TSGA10: variants seen among roughly 807,000 people sequenced by gnomAD.
TSGA10 encodes testis specific 10.
In TSGA10, 43 loss-of-function variants were observed where a neutral mutation model predicts 96.6. The ratio of observed to expected loss-of-function variants is 0.44; its 90% CI spans 0.35 to 0.57. The LOEUF (loss-of-function observed/expected upper bound fraction) is 0.57. TSGA10 is among the 20% of genes least tolerant of loss of function. The pLI, the probability that TSGA10 is intolerant of heterozygous loss-of-function variation, is 0.01. For missense variants in TSGA10, 703 were observed against 834.4 expected, an observed-to-expected ratio of 0.84 and a Z score of 1.94; for synonymous variants, 229 against 269.9, an observed-to-expected ratio of 0.85 and a Z score of 1.48.
At chr2:99,111,083 AGAT>A (rs1257710471) in intron 4 of TSGA10, among the ~76,000 whole-genome samples, 168 bp from the exon 5 acceptor site, 1 of 152,170 alleles carries the variant, frequency 6.6e-6, no homozygotes, top group African/African-American at 2.4e-5. Flanking sequence ...AAAAGATAAA[AGAT>A]GATTTACCCA....
chr2:99,119,171 G>A (rs1193577883), intron 2 of TSGA10, among the ~76,000 whole-genome samples: 1 of 151,996 alleles, frequency 6.6e-6, no homozygotes, highest in East Asian at 1.9e-4. Flanking sequence ...TTTATAAGTT[G>A]TCACTACATA....
At chr2:99,070,906 C>T (rs947514310) in intron 14 of TSGA10, among the ~76,000 whole-genome samples, 1 of 152,098 alleles carries the variant, frequency 6.6e-6, no homozygotes, top group Non-Finnish European at 1.5e-5. Context: ...GAAGTCCATA[C>T]TTTATTCAGA....
At chr2:99,081,004 A>T (rs931540312) in intron 11 of TSGA10, among the ~76,000 whole-genome samples, 5 of 152,112 alleles carry the variant, frequency 3.3e-5, no homozygotes, top group African/African-American at 1.2e-4. Context: ...TACACAAAAA[A>T]TTCAAATTTA....
At chr2:99,096,919 C>T (rs2090116640) in intron 10 of TSGA10, among the ~76,000 whole-genome samples, 2 of 152,136 alleles carry the variant, frequency 1.3e-5, no homozygotes, top group Non-Finnish European at 2.9e-5. Context: ...GTAACTGAAA[C>T]TGTGTTGGTA....
intron 1 of TSGA10, among the ~76,000 whole-genome samples, chr2:99,149,785 C>CT (rs70940143): frequency 0.015 from 1,719 of 112,294 alleles, 48 homozygotes; most frequent in African/African-American, 0.043. Flanking sequence ...TCACAAGTAT[C>CT]TTTTTTTTTT....
At chr2:99,112,050 T>C (rs1387317823) in intron 4 of TSGA10, among the ~76,000 whole-genome samples, 1 of 152,152 alleles carries the variant, frequency 6.6e-6, no homozygotes, top group African/African-American at 2.4e-5. Flanking sequence ...TTTTGTATAA[T>C]AAATATGCAT....
intron 1 of TSGA10, chr2:99,154,279 C>T (rs575459647): frequency 6.6e-6 from 1 of 152,304 alleles, no homozygotes; most frequent in Admixed American, 6.5e-5. Context: ...AAAACTTAGC[C>T]GAAACTATTA....
chr2:99,140,260 T>G (rs2093483070), intron 1 of TSGA10, among the ~76,000 whole-genome samples: 1 of 152,198 alleles, frequency 6.6e-6, no homozygotes, highest in African/African-American at 2.4e-5. Flanking sequence ...TGGAAGCAGA[T>G]TCGAATGCGA....
chr2:99,118,550 C>G lies in TSGA10; in HGVS notation c.-356+1G>C. The G allele has an allele frequency of 1.0e-6, 1 of 981,082 alleles. No individual in the cohort carries two copies. Among genetic ancestry groups the G allele is most frequent in the Non-Finnish European group, 1.2e-6 (1 of 827,058 alleles). The allele number at this position is 981,082 out of a possible 1,614,324, so 60.8% of individuals were successfully genotyped here. ...TCCTTTTGAAAGTATCAGTAACTTA[C>G]TTGACTAAGCTAAATATCAAATCAA... On this transcript the variant is annotated splice_donor_variant, in intron 3 of 20. Coordinates refer to ENST00000393483, the MANE Select transcript of TSGA10 (RefSeq NM_025244.4). LOFTEE classifies it low-confidence loss of function (5UTR_SPLICE).
intron 1 of TSGA10, among the ~76,000 whole-genome samples, chr2:99,153,466 G>A (rs2093713232): frequency 6.6e-6 from 1 of 152,138 alleles, no homozygotes; most frequent in African/African-American, 2.4e-5. Flanking sequence ...CAGTGGAGAA[G>A]CTGAAGAAGT....
At chr2:99,096,118 T>A (rs1336669710) in intron 10 of TSGA10, among the ~76,000 whole-genome samples, 3 of 152,252 alleles carry the variant, frequency 2.0e-5, no homozygotes, top group African/African-American at 7.2e-5. Context: ...TACTGTCATT[T>A]ATAAGTGTAT....
At chr2:99,067,383 G>T (rs147630389) in intron 15 of TSGA10, among the ~76,000 whole-genome samples, 136 of 152,298 alleles carry the variant, frequency 8.9e-4, no homozygotes, top group African/African-American at 3.0e-3. Context: ...CCAGCACTTC[G>T]GAAGGCCGAG....
At chr2:99,078,858 C>A (rs1425476709) in intron 11 of TSGA10, 45 bp from the exon 12 acceptor site, 3 of 1,521,848 alleles carry the variant, frequency 2.0e-6, no homozygotes, top group Non-Finnish European at 2.7e-6. Flanking sequence ...AAAATAAAAT[C>A]TTTTTTCTAT....
chr2:99,039,191 A>G (rs1301821677), intron 16 of TSGA10, among the ~76,000 whole-genome samples: 3 of 152,058 alleles, frequency 2.0e-5, no homozygotes, highest in Non-Finnish European at 2.9e-5. Flanking sequence ...AAAAGTCTGA[A>G]AGAGCACAAT....
intron 16 of TSGA10, 57 bp from the exon 17 acceptor site, chr2:99,035,496 A>G: frequency 1.6e-6 from 2 of 1,250,052 alleles, no homozygotes; most frequent in Non-Finnish European, 2.2e-6. Context: ...CTGGAAGGAA[A>G]CTATAACATG....
intron 1 of TSGA10, among the ~76,000 whole-genome samples, chr2:99,152,473 C>CA (rs2093703087): frequency 6.6e-6 from 1 of 152,110 alleles, no homozygotes; most frequent in Non-Finnish European, 1.5e-5. Context: ...TTTTTAGAGA[C>CA]AGAGTCTTAC....
chr2:99,110,773 CAA>C (rs1332364291), intron 5 of TSGA10, 75 bp downstream of exon 5: 1 of 317,494 alleles, frequency 3.1e-6, no homozygotes, highest in African/African-American at 2.3e-5. Context: ...GTGTGAGAGC[CAA>C]AGATATAATT....
At chr2:99,005,294 C>G (rs1372248227) in intron 20 of TSGA10, among the ~76,000 whole-genome samples, 1 of 151,984 alleles carries the variant, frequency 6.6e-6, no homozygotes, top group Non-Finnish European at 1.5e-5. Context: ...CTGACCAGGG[C>G]AATTAGGCAG....
At chr2:99,134,627 G>A (rs542830031) in intron 1 of TSGA10, among the ~76,000 whole-genome samples, 33 of 152,132 alleles carry the variant, frequency 2.2e-4, no homozygotes, top group African/African-American at 7.0e-4. Context: ...CTTTGCTGGC[G>A]AGCAGTTGTA....
Sources: allele counts gnomAD v4.1 joint callset (sites outside exome capture counted in the v4.1 genomes callset), GRCh38; gene constraint gnomAD v4.1.1; transcripts MANE v1.5; gene names NCBI Gene and HGNC (gene_info 2026-07-23, HGNC 2026-07-21).